The following WWOX variants were observed in gnomAD, a reference collection of about 807,000 sequenced individuals.
The protein encoded by WWOX is WW domain containing oxidoreductase.
A neutral mutation model predicts 46.2 loss-of-function variants in WWOX; 69 were observed. The ratio of observed to expected loss-of-function variants is 1.49; its 90% CI spans 1.23 to 1.82. The LOEUF is 1.82. Among genes scored for constraint, WWOX ranks in the 40% most tolerant of loss-of-function variants. WWOX has a pLI of 0.00. For missense variants in WWOX, 919 were observed against 542.6 expected, an observed-to-expected ratio of 1.69 and a Z score of -6.89; for synonymous variants, 359 against 202.6, an observed-to-expected ratio of 1.77 and a Z score of -6.56.
chr16:78,759,383 T>C (rs76534874), intron 8 of WWOX, among the ~76,000 whole-genome samples: 1 of 152,198 alleles, frequency 6.6e-6, no homozygotes, highest in African/African-American at 2.4e-5. Flanking sequence ...TTTTCTATTC[T>C]ACCCTCTCTC....
chr16:78,509,858 C>A (rs1442265844), intron 8 of WWOX, among the ~76,000 whole-genome samples: 2 of 150,296 alleles, frequency 1.3e-5, no homozygotes, highest in Non-Finnish European at 2.9e-5. Context: ...GAGGCCGAGG[C>A]AGGAGGATCA....
intron 4 of WWOX, 44 bp downstream of exon 4, chr16:78,115,198 G>A: frequency 6.2e-7 from 1 of 1,609,470 alleles, no homozygotes; most frequent in Non-Finnish European, 8.5e-7. Context: ...CTGCTATAAT[G>A]AGATCCACTT....
chr16:78,624,345 T>C (rs2046260530), intron 8 of WWOX, among the ~76,000 whole-genome samples: 1 of 152,118 alleles, frequency 6.6e-6, no homozygotes, highest in Admixed American at 6.6e-5. Flanking sequence ...AACCAAACCC[T>C]AAATAATTGT....
At chr16:79,029,475 C>G (rs2047711407) in intron 8 of WWOX, among the ~76,000 whole-genome samples, 1 of 152,130 alleles carries the variant, frequency 6.6e-6, no homozygotes, top group South Asian at 2.1e-4. Flanking sequence ...TATTACTCAT[C>G]TGAAGTTATA....
chr16:79,032,673 T>C (rs575310225), intron 8 of WWOX, among the ~76,000 whole-genome samples: 16 of 150,134 alleles, frequency 1.1e-4, no homozygotes, highest in Admixed American at 6.7e-4. Context: ...TATGTATATA[T>C]ATATATATAC....
chr16:78,467,256 A>G (rs576101365), intron 8 of WWOX, among the ~76,000 whole-genome samples: 31 of 152,156 alleles, frequency 2.0e-4, no homozygotes, highest in Non-Finnish European at 4.4e-4. Context: ...ATCACCACCC[A>G]TGTTAATTAG....
At chr16:78,476,714 C>G (rs892971339) in intron 8 of WWOX, among the ~76,000 whole-genome samples, 2 of 152,170 alleles carry the variant, frequency 1.3e-5, no homozygotes, top group Admixed American at 6.5e-5. Flanking sequence ...AAATTATAAG[C>G]TAGCTAATTG....
chr16:78,693,241 C>T (rs1011099181), intron 8 of WWOX, among the ~76,000 whole-genome samples: 1 of 152,172 alleles, frequency 6.6e-6, no homozygotes, highest in African/African-American at 2.4e-5. Context: ...ATCTCCACCT[C>T]ATGGTTTTTA....
intron 6 of WWOX, among the ~76,000 whole-genome samples, chr16:78,410,823 A>C (rs1368013553): frequency 6.6e-6 from 1 of 151,066 alleles, no homozygotes; most frequent in Non-Finnish European, 1.5e-5. Flanking sequence ...AAAAAAAAAA[A>C]AAAAAGTTAG....
At chr16:79,082,583 T>C (rs2048780727) in intron 8 of WWOX, among the ~76,000 whole-genome samples, 1 of 152,158 alleles carries the variant, frequency 6.6e-6, no homozygotes, top group African/African-American at 2.4e-5. Flanking sequence ...CACTGTTTCA[T>C]GAAACACAGC....
At chr16:79,141,966 GGGA>G (rs773096887) in intron 8 of WWOX, among the ~76,000 whole-genome samples, 1 of 152,202 alleles carries the variant, frequency 6.6e-6, no homozygotes, top group Non-Finnish European at 1.5e-5. Context: ...CCGTCTAGCA[GGGA>G]GGAGATGTCT....
At chr16:78,222,070 A>G (rs182403993) in intron 5 of WWOX, among the ~76,000 whole-genome samples, 1 of 152,296 alleles carries the variant, frequency 6.6e-6, no homozygotes, top group Non-Finnish European at 1.5e-5. Context: ...TTCGCCTCAG[A>G]TGCCCCTCCA....
intron 8 of WWOX, chr16:78,551,421 G>T (rs896316785): frequency 6.6e-6 from 1 of 152,142 alleles, no homozygotes; most frequent in Non-Finnish European, 1.5e-5. Flanking sequence ...GTAAGGAAAT[G>T]GGAGAATATT....
intron 8 of WWOX, among the ~76,000 whole-genome samples, chr16:78,983,768 C>A (rs993169421): frequency 6.6e-6 from 1 of 152,042 alleles, no homozygotes; most frequent in Non-Finnish European, 1.5e-5. Context: ...TTGTGTTAAA[C>A]CCCTGTGACT....
At chr16:78,130,017 G>GT (rs971962849) in intron 4 of WWOX, 4 of 152,094 alleles carry the variant, frequency 2.6e-5, no homozygotes, top group Admixed American at 2.6e-4. Context: ...AGATCTGATG[G>GT]TTTTATAAGG....
chr16:79,142,700 T>C (rs930068844), intron 8 of WWOX, among the ~76,000 whole-genome samples: 1 of 152,140 alleles, frequency 6.6e-6, no homozygotes, highest in Non-Finnish European at 1.5e-5. Flanking sequence ...GTTTTTGTTT[T>C]TGTTTTGTTT....
intron 8 of WWOX, among the ~76,000 whole-genome samples, chr16:78,564,250 C>G (rs1468213738): frequency 6.6e-6 from 1 of 152,158 alleles, no homozygotes; most frequent in African/African-American, 2.4e-5. Flanking sequence ...TGAATGGAGA[C>G]AATACTTTTG....
chr16:78,833,614 A>G (rs368652215), intron 8 of WWOX, among the ~76,000 whole-genome samples: 4 of 152,270 alleles, frequency 2.6e-5, no homozygotes, highest in Admixed American at 2.0e-4. Context: ...AATTTACTGC[A>G]CATATGTTCC....
chr16:79,174,253 T>G (rs1313362390), intron 8 of WWOX, among the ~76,000 whole-genome samples: 1 of 152,230 alleles, frequency 6.6e-6, no homozygotes, highest in East Asian at 1.9e-4. Flanking sequence ...ACACTTTGTT[T>G]CTGTTTCCTT....
Sources: allele counts gnomAD v4.1 joint callset (sites outside exome capture counted in the v4.1 genomes callset), GRCh38; gene constraint gnomAD v4.1.1; transcripts MANE v1.5; gene names NCBI Gene and HGNC (gene_info 2026-07-23, HGNC 2026-07-21).